Variants in SGCZ observed in about 807,000 individuals in gnomAD.
SGCZ encodes the protein sarcoglycan zeta, also known as zeta-sarcoglycan.
Under a neutral mutation model 41.3 loss-of-function variants are expected in SGCZ, and 40 were observed. The observed-to-expected ratio is 0.97, with a 90% CI of 0.75 to 1.26. The LOEUF (loss-of-function observed/expected upper bound fraction) is 1.26. SGCZ is among the 50% of genes most tolerant of loss of function. The pLI is 0.00. For synonymous variants in SGCZ, 206 were observed against 137.5 expected (o/e 1.50, Z -3.49); for missense variants, 552 against 369.8 (o/e 1.49, Z -4.04).
chr8:14,379,217 A>G (rs1276954413), intron 2 of SGCZ, among the ~76,000 whole-genome samples: 1 of 152,178 alleles, frequency 6.6e-6, no homozygotes, highest in African/African-American at 2.4e-5. Flanking sequence ...TATACCTAGG[A>G]AACCCAGGAG....
At chr8:15,018,335 G>A (rs1453218657) in intron 1 of SGCZ, among the ~76,000 whole-genome samples, 1 of 152,186 alleles carries the variant, frequency 6.6e-6, no homozygotes, top group East Asian at 1.9e-4. Context: ...TAAGCACTGA[G>A]TGAATGGATG....
intron 1 of SGCZ, among the ~76,000 whole-genome samples, chr8:14,799,644 T>C (rs908692280): frequency 6.6e-6 from 1 of 152,052 alleles, no homozygotes; most frequent in Non-Finnish European, 1.5e-5. Context: ...GGACTTCACC[T>C]ACTAGGCAGA....
chr8:15,145,608 A>T (rs1007999294), intron 1 of SGCZ, among the ~76,000 whole-genome samples: 3 of 152,148 alleles, frequency 2.0e-5, no homozygotes, highest in African/African-American at 7.2e-5. Flanking sequence ...CTTGGACTAC[A>T]GGTACACACC....
At chr8:14,091,922 G>A (rs1801700353) in intron 7 of SGCZ, among the ~76,000 whole-genome samples, 1 of 152,098 alleles carries the variant, frequency 6.6e-6, no homozygotes. Context: ...GCCTAAGTAA[G>A]TTTTCTTCTA....
chr8:14,620,049 G>T (rs1342506684), intron 1 of SGCZ, among the ~76,000 whole-genome samples: 1 of 152,130 alleles, frequency 6.6e-6, no homozygotes, highest in Non-Finnish European at 1.5e-5. Flanking sequence ...ATACTACAAG[G>T]CTTCAGTAAC....
chr8:14,684,467 G>C (rs1470001946), intron 1 of SGCZ, among the ~76,000 whole-genome samples: 1 of 152,118 alleles, frequency 6.6e-6, no homozygotes, highest in East Asian at 1.9e-4. Context: ...CTGGCTAAAA[G>C]AGCTTTGGGA....
intron 1 of SGCZ, among the ~76,000 whole-genome samples, chr8:14,712,212 CT>C (rs145945410): frequency 0.039 from 5,912 of 151,576 alleles, 394 homozygotes; most frequent in African/African-American, 0.14. Flanking sequence ...CATGATCTTG[CT>C]TTTGAGAATA....
At chr8:14,101,905 T>G (rs1186875742) in intron 7 of SGCZ, among the ~76,000 whole-genome samples, 1 of 151,734 alleles carries the variant, frequency 6.6e-6, no homozygotes, top group Admixed American at 6.6e-5. Context: ...TTTGTTTGTT[T>G]GTTTTGAGAC....
chr8:14,771,770 CTG>C (rs1468492665), intron 1 of SGCZ, among the ~76,000 whole-genome samples: 2 of 151,984 alleles, frequency 1.3e-5, no homozygotes, highest in African/African-American at 2.4e-5. Flanking sequence ...GGGGGTAAGA[CTG>C]TCAGTATTTC....
chr8:14,482,324 A>C (rs1343670761), intron 2 of SGCZ, among the ~76,000 whole-genome samples: 1 of 152,142 alleles, frequency 6.6e-6, no homozygotes, highest in Non-Finnish European at 1.5e-5. Context: ...AGCATACATA[A>C]TTTCACAAGC....
intron 4 of SGCZ, among the ~76,000 whole-genome samples, chr8:14,236,155 T>C (rs925508113): frequency 6.6e-6 from 1 of 152,190 alleles, no homozygotes; most frequent in African/African-American, 2.4e-5. Flanking sequence ...AGTTCCAACA[T>C]AACAGGAATG....
chr8:14,290,711 T>A (rs7002850), intron 3 of SGCZ, among the ~76,000 whole-genome samples: 114,426 of 152,004 alleles, frequency 0.75, 43,528 homozygotes, highest in Non-Finnish European at 0.8. Context: ...ATGTGGAGAA[T>A]AGTGAACAAA....
At chr8:14,597,524 A>G (rs1805451874) in intron 1 of SGCZ, among the ~76,000 whole-genome samples, 3 of 152,164 alleles carry the variant, frequency 2.0e-5, no homozygotes, top group African/African-American at 7.2e-5. Flanking sequence ...GCTGGAGTGC[A>G]GTGGCAGGAT....
chr8:15,146,545 C>T (rs1009671308), intron 1 of SGCZ, among the ~76,000 whole-genome samples: 2 of 152,132 alleles, frequency 1.3e-5, no homozygotes, highest in African/African-American at 2.4e-5. Context: ...TGGCAGGAGG[C>T]CAATTTTTAA....
chr8:14,246,813 G>T (rs1296919249), intron 3 of SGCZ, among the ~76,000 whole-genome samples: 2 of 149,150 alleles, frequency 1.3e-5, no homozygotes, highest in Non-Finnish European at 3.0e-5. Context: ...GGGAGGCTGA[G>T]GCAGTAGAAT....
At chr8:15,197,479 A>G (rs555523559) in intron 1 of SGCZ, among the ~76,000 whole-genome samples, 3 of 152,238 alleles carry the variant, frequency 2.0e-5, no homozygotes, top group African/African-American at 7.2e-5. Flanking sequence ...AAGGTGGTGT[A>G]GGAAGCACTG....
intron 2 of SGCZ, among the ~76,000 whole-genome samples, chr8:14,544,207 T>A (rs1379402361): frequency 9.9e-5 from 15 of 152,184 alleles, no homozygotes; most frequent in Admixed American, 9.8e-4. Flanking sequence ...AATTTTATAA[T>A]TTCTTATGCC....
At chr8:15,025,341 C>A (rs1803416269) in intron 1 of SGCZ, among the ~76,000 whole-genome samples, 1 of 152,076 alleles carries the variant, frequency 6.6e-6, no homozygotes, top group African/African-American at 2.4e-5. Context: ...TTCAGGCTGT[C>A]ATCTCAAGGA....
At chr8:14,317,983 A>G (rs1001127129) in intron 3 of SGCZ, among the ~76,000 whole-genome samples, 2 of 151,966 alleles carry the variant, frequency 1.3e-5, no homozygotes, top group African/African-American at 4.8e-5. Flanking sequence ...AAAAAAAAAA[A>G]AACTTCTTAC....
Sources: allele counts gnomAD v4.1 joint callset (sites outside exome capture counted in the v4.1 genomes callset), GRCh38; gene constraint gnomAD v4.1.1; transcripts MANE v1.5; gene names NCBI Gene and HGNC (gene_info 2026-07-23, HGNC 2026-07-21).